Variants in CECR2 observed in about 807,000 individuals in gnomAD.
CECR2 encodes CECR2 histone acetyl-lysine reader, also known as chromatin remodeling regulator CECR2.
CECR2 carries 30 observed loss-of-function variants against 154.5 expected under a neutral mutation model. The ratio of observed to expected loss-of-function variants is 0.19; its 90% CI spans 0.15 to 0.26. The LOEUF is 0.26. CECR2 is among the 10% of genes least tolerant of loss of function. The probability of loss-of-function intolerance (pLI) is 1.00; values close to 1 mark genes in which losing one functional copy is unlikely to be tolerated. For missense variants in CECR2, 1,743 were observed against 1,829.3 expected (o/e 0.95, Z 0.86); for synonymous variants, 725 against 683.7 (o/e 1.06, Z -0.94).
At chr22:17,488,849 G>A (rs184779589) in intron 2 of CECR2, among the ~76,000 whole-genome samples, 1 of 152,118 alleles carries the variant, frequency 6.6e-6, no homozygotes, top group South Asian at 2.1e-4. Flanking sequence ...AAGTATGTTT[G>A]ACTTAAACTG....
chr22:17,493,319 T>G (rs766107082), intron 2 of CECR2, among the ~76,000 whole-genome samples: 12 of 152,200 alleles, frequency 7.9e-5, no homozygotes, highest in Non-Finnish European at 1.8e-4. Context: ...CAAAATTGTG[T>G]GCTCATTTTT....
chr22:17,420,565 AT>A (rs2054230781), intron 1 of CECR2, among the ~76,000 whole-genome samples: 2 of 152,150 alleles, frequency 1.3e-5, no homozygotes, highest in Non-Finnish European at 2.9e-5. Flanking sequence ...TTAGTGTGTT[AT>A]TTATTGAGCA....
intron 1 of CECR2, among the ~76,000 whole-genome samples, chr22:17,450,311 G>A (rs556598217): frequency 6.6e-6 from 1 of 152,096 alleles, no homozygotes; most frequent in East Asian, 1.9e-4. Context: ...TCACTCTGTC[G>A]CCAGGCTGGA....
intron 8 of CECR2, among the ~76,000 whole-genome samples, chr22:17,517,130 G>A (rs1312250134): frequency 6.7e-6 from 1 of 149,356 alleles, no homozygotes; most frequent in East Asian, 2.0e-4. Context: ...ACCCTCCTCA[G>A]CCTCCCAAAG....
rs145704261 is a variant in CECR2 at position 17,552,021 on chromosome 22, G to C, written c.4278-10G>C. 2 of 1,612,464 alleles carry C rather than the reference G, an allele frequency of 1.2e-6. No individual in the cohort carries two copies. On this transcript the variant is annotated splice_polypyrimidine_tract_variant and intron_variant, in intron 17 of 18. Transcript: ENST00000262608. ...ATTAATTCTTCATTGCTTCTTTCTC[G>C]TGGCTGTAGAATGCAGATGCACCCG... is the stretch of plus-strand genomic sequence containing the variant.
At position 17,376,226 on chromosome 22, in the gene CECR2, G is replaced by GGT. The variant is rs149653293; in HGVS notation, c.126+6331_126+6332dup. On this transcript the variant is annotated intron_variant, in intron 1 of 18. Coordinates refer to ENST00000262608, the MANE Select transcript of CECR2 (RefSeq NM_001290047.2). Reference sequence around the variant, plus strand: ...TTTGAAAGGAAAGGCTTGCTGCTTTGGTGTGTGTGTGTGTGCCCACCATGT... The same window carrying GGT: ...TTTGAAAGGAAAGGCTTGCTGCTTTGGTGTGTGTGTGTGTGTGCCCACCATGT... Among the ~76,000 whole-genome samples, 59 of 151,778 alleles carry GGT rather than the reference G, an allele frequency of 3.9e-4. 1 individual carries two copies. Among genetic ancestry groups the GGT allele is most frequent in the African/African-American group, 1.2e-3 (50 of 41,310 alleles).
At chr22:17,421,419 T>A (rs2054246457) in intron 1 of CECR2, among the ~76,000 whole-genome samples, 1 of 151,622 alleles carries the variant, frequency 6.6e-6, no homozygotes, top group East Asian at 1.9e-4. Context: ...ATCGAGACCA[T>A]CCCGGCTAAA....
At chr22:17,398,203 T>TG (rs34625113) in intron 1 of CECR2, among the ~76,000 whole-genome samples, 12,709 of 148,400 alleles carry the variant, frequency 0.086, 665 homozygotes, top group African/African-American at 0.16. Flanking sequence ...TATAACAAAG[T>TG]GGGGGGGGGT....
chr22:17,416,180 T>C (rs2054154204), intron 1 of CECR2, among the ~76,000 whole-genome samples: 1 of 152,274 alleles, frequency 6.6e-6, no homozygotes, highest in African/African-American at 2.4e-5. Context: ...TCTTATAAAA[T>C]ATGTTCGCAT....
chr22:17,399,189 G>C (rs2053856087), intron 1 of CECR2, among the ~76,000 whole-genome samples: 1 of 152,198 alleles, frequency 6.6e-6, no homozygotes, highest in Non-Finnish European at 1.5e-5. Context: ...AAAAGGCTCA[G>C]GAGGTGGGAC....
chr22:17,495,778 C>T (rs946907580), intron 2 of CECR2, among the ~76,000 whole-genome samples: 4 of 140,980 alleles, frequency 2.8e-5, no homozygotes, highest in Admixed American at 7.9e-5. Flanking sequence ...AGGAGAATGG[C>T]GTGAACCTGG....
At chr22:17,381,434 A>C (rs188804641) in intron 1 of CECR2, among the ~76,000 whole-genome samples, 16 of 152,244 alleles carry the variant, frequency 1.1e-4, no homozygotes, top group African/African-American at 3.9e-4. Context: ...GTTTTAGTGC[A>C]AGTGCTGCTG....
chr22:17,543,353 C>G (rs993674621), intron 16 of CECR2, among the ~76,000 whole-genome samples: 7 of 151,814 alleles, frequency 4.6e-5, no homozygotes, highest in Admixed American at 1.3e-4. Flanking sequence ...CCAGGATGGT[C>G]TCAATCTCGT....
chr22:17,395,021 T>C lies in CECR2; in HGVS notation c.126+25112T>C, dbSNP rs1256804388. 2.6e-5 allele frequency among the ~76,000 whole-genome samples: 4 copies of C among 152,284 alleles called. No individual in the cohort carries two copies. In the Middle Eastern group the frequency reaches 0.01, roughly 388 times the overall value. On this transcript the variant is annotated intron_variant, in intron 1 of 18. Transcript: ENST00000262608. ...AGTATGTAGTGTGAGTTTTGGAAAA[T>C]GCATGGATCCTTGTACCTACCATCA...
chr22:17,378,376 A>G (rs1208723841), intron 1 of CECR2, among the ~76,000 whole-genome samples: 3 of 149,122 alleles, frequency 2.0e-5, no homozygotes, highest in Non-Finnish European at 4.4e-5. Flanking sequence ...GGCTCACTGC[A>G]ACCTCTGCCT....
intron 1 of CECR2, chr22:17,419,299 C>T (rs2054204384): frequency 6.3e-6 from 1 of 159,622 alleles, no homozygotes; most frequent in African/African-American, 2.4e-5. Flanking sequence ...GAGAGAACTC[C>T]ACATCGGCCT....
At position 17,542,409 on chromosome 22, in the gene CECR2, C is replaced by G. The variant is rs755944490; in HGVS notation, c.2266C>G (p.Pro756Ala). The part of the protein sequence containing the change: ...PDFPESSEIP[P>A]SHMYRSYKYL... ...CTTTCCTGAAAGCTCAGAAATTCCTCCCAGCCATATGTATCGATCGTACAA... is the reference window on the plus strand; with the variant it reads ...CTTTCCTGAAAGCTCAGAAATTCCTGCCAGCCATATGTATCGATCGTACAA... The change falls in exon 16 of 19, where the codon CCC (proline) becomes GCC (alanine). Residue 756 changes from proline to alanine, a missense_variant. Coordinates refer to ENST00000262608, the MANE Select transcript of CECR2 (RefSeq NM_001290047.2). 1.2e-6 allele frequency: 2 copies of G among 1,613,900 alleles called. No individual in the cohort carries two copies. The highest frequency in any genetic ancestry group is 1.7e-6 in the Non-Finnish European group (2 of 1,179,884).
intron 18 of CECR2, among the ~76,000 whole-genome samples, chr22:17,552,535 C>T (rs780120486): frequency 2.0e-5 from 3 of 151,994 alleles, no homozygotes; most frequent in Non-Finnish European, 4.4e-5. Flanking sequence ...TGCGTTGTCT[C>T]GTGCAGTGCT....
chr22:17,505,120 A>G (rs1270788940), intron 7 of CECR2, 104 bp downstream of exon 7: 6 of 1,129,738 alleles, frequency 5.3e-6, no homozygotes, highest in Non-Finnish European at 7.5e-6. Context: ...TGTCCTGGAA[A>G]TAGTGCAGTC....
Sources: allele counts gnomAD v4.1 joint callset (sites outside exome capture counted in the v4.1 genomes callset), GRCh38; gene constraint gnomAD v4.1.1; transcripts MANE v1.5; gene names NCBI Gene and HGNC (gene_info 2026-07-23, HGNC 2026-07-21).